The following NFIB variants were observed in gnomAD, a reference collection of about 807,000 sequenced individuals.
NFIB encodes nuclear factor I B.
A neutral mutation model predicts 61.5 loss-of-function variants in NFIB; 11 were observed. The observed-to-expected ratio is 0.18, with a 90% CI of 0.11 to 0.30. The LOEUF (loss-of-function observed/expected upper bound fraction) is 0.30. Among genes scored for constraint, NFIB ranks in the 10% least tolerant of loss-of-function variants. The pLI, the probability that NFIB is intolerant of heterozygous loss-of-function variation, is 1.00. For synonymous variants in NFIB, 260 were observed against 216.5 expected, an observed-to-expected ratio of 1.20 and a Z score of -1.76; for missense variants, 471 against 608.9, an observed-to-expected ratio of 0.77 and a Z score of 2.38.
At chr9:14,519,162 C>A in the NFIB span, among the ~76,000 whole-genome samples, 36,185 of 152,050 alleles carry the variant, frequency 0.24, 4,654 homozygotes, top group East Asian at 0.4. Context: ...CTGGGCTCTC[C>A]AAGCACTAAC....
chr9:14,229,812 C>T (rs2052897178), intron 2 of NFIB, among the ~76,000 whole-genome samples: 1 of 152,162 alleles, frequency 6.6e-6, no homozygotes, highest in Non-Finnish European at 1.5e-5. Context: ...TTATTCCCAT[C>T]CTGCAGCCAC....
At chr9:14,412,550 C>T in the NFIB span, among the ~76,000 whole-genome samples, 2 of 152,222 alleles carry the variant, frequency 1.3e-5, no homozygotes, top group South Asian at 2.1e-4. Flanking sequence ...CTACAACCCT[C>T]GCAAATTCCC....
At chr9:14,228,248 G>A (rs2052688454) in intron 2 of NFIB, among the ~76,000 whole-genome samples, 2 of 147,576 alleles carry the variant, frequency 1.4e-5, no homozygotes, top group Non-Finnish European at 1.5e-5. Context: ...AGGCAGGAGT[G>A]CAGTGGCGCA....
upstream of NFIB, chr9:14,314,162 G>A: frequency 1.0e-6 from 1 of 990,794 alleles, no homozygotes; most frequent in Non-Finnish European, 1.2e-6. Context: ...CGGGGCGCGC[G>A]CGGGAGAGGG....
At chr9:14,278,013 T>C (rs748949600) in intron 2 of NFIB, among the ~76,000 whole-genome samples, 20 of 152,216 alleles carry the variant, frequency 1.3e-4, no homozygotes, top group Non-Finnish European at 2.9e-4. Context: ...CCTGCCACCC[T>C]GCCTCATGCT....
chr9:14,433,502 A>G, the NFIB span, among the ~76,000 whole-genome samples: 2 of 152,290 alleles, frequency 1.3e-5, no homozygotes, highest in South Asian at 4.1e-4. Context: ...TCTCTCTGTC[A>G]TCCTGAAAAA....
chr9:14,287,960 G>T (rs1015905846), intron 2 of NFIB, among the ~76,000 whole-genome samples: 13 of 152,180 alleles, frequency 8.5e-5, no homozygotes, highest in African/African-American at 3.1e-4. Context: ...TTCTTCTGCT[G>T]AGTTCAACAG....
chr9:14,445,118 A>T, the NFIB span, among the ~76,000 whole-genome samples: 1 of 152,126 alleles, frequency 6.6e-6, no homozygotes, highest in Non-Finnish European at 1.5e-5. Flanking sequence ...TTCTGGCCCC[A>T]ACTATTTGTT....
At chr9:14,132,407 C>T (rs1228095980) in intron 6 of NFIB, among the ~76,000 whole-genome samples, 2 of 152,014 alleles carry the variant, frequency 1.3e-5, no homozygotes, top group African/African-American at 2.4e-5. Flanking sequence ...CAGTATTTAA[C>T]GTTAAGGTTT....
At chr9:14,433,268 T>C in the NFIB span, among the ~76,000 whole-genome samples, 3 of 152,330 alleles carry the variant, frequency 2.0e-5, no homozygotes, top group Admixed American at 1.3e-4. Flanking sequence ...GAAAATGTCA[T>C]TAAAAATTTT....
At chr9:14,157,798 T>C (rs1363806466) in intron 3 of NFIB, among the ~76,000 whole-genome samples, 1 of 152,132 alleles carries the variant, frequency 6.6e-6, no homozygotes, top group Non-Finnish European at 1.5e-5. Context: ...TTGTTTATAG[T>C]TCATTATACT....
chr9:14,295,438 A>G (rs926290751), intron 2 of NFIB, among the ~76,000 whole-genome samples: 1 of 152,012 alleles, frequency 6.6e-6, no homozygotes, highest in Non-Finnish European at 1.5e-5. Flanking sequence ...CATCCTGGCT[A>G]ACACTGTGAA....
chr9:14,191,540 A>G (rs578261379), intron 2 of NFIB, among the ~76,000 whole-genome samples: 3 of 152,244 alleles, frequency 2.0e-5, no homozygotes, highest in African/African-American at 7.2e-5. Flanking sequence ...GGTGCTCAAA[A>G]TTCCTCCCAT....
At chr9:14,275,366 T>C (rs2057925715) in intron 2 of NFIB, among the ~76,000 whole-genome samples, 1 of 152,168 alleles carries the variant, frequency 6.6e-6, no homozygotes, top group Non-Finnish European at 1.5e-5. Flanking sequence ...TGAATTCATA[T>C]CAGTTCTGGG....
At chr9:14,323,347 T>G (rs7040685) in intron 1 of NFIB, among the ~76,000 whole-genome samples, 121,246 of 152,180 alleles carry the variant, frequency 0.8, 51,701 homozygotes, top group Non-Finnish European at 0.94. Context: ...GATCAGCATT[T>G]TGGAAACAAA....
In NFIB at chr9:14,085,717, C is replaced by T. The variant is rs911784088; in HGVS notation, c.*2592G>A. ...GATATTAAAAAAAAATCCAAGTGCA[C>T]TGCCATCCATTTGAAGTAGTAAGTC... On this transcript the variant is annotated 3_prime_UTR_variant, in exon 11 of 11. Coordinates refer to ENST00000380953, the MANE Select transcript of NFIB (RefSeq NM_001190737.2). 1 of 219,562 alleles carries T rather than the reference C, an allele frequency of 4.6e-6. No individual in the cohort carries two copies. The highest frequency in any genetic ancestry group is 5.8e-5 in the Admixed American group (1 of 17,226). The allele number at this position is 219,562 out of a possible 1,614,324, so 13.6% of individuals were successfully genotyped here. A position where few individuals can be genotyped will look rare whatever the true frequency, so the allele number is the denominator to read the frequency against.
At chr9:14,129,963 A>G (rs981207738) in intron 6 of NFIB, among the ~76,000 whole-genome samples, 10 of 152,226 alleles carry the variant, frequency 6.6e-5, no homozygotes, top group African/African-American at 1.4e-4. Context: ...AGAAACAAGT[A>G]GAGGCCAGTG....
intron 6 of NFIB, among the ~76,000 whole-genome samples, chr9:14,136,969 C>T (rs1041647190): frequency 6.6e-6 from 1 of 152,006 alleles, no homozygotes; most frequent in South Asian, 2.1e-4. Flanking sequence ...AAAAAAAGAA[C>T]ATTCTGTCAA....
chr9:14,205,411 C>T (rs930843354), intron 2 of NFIB, among the ~76,000 whole-genome samples: 2 of 151,272 alleles, frequency 1.3e-5, no homozygotes, highest in East Asian at 2.0e-4. Context: ...ATTAAAAATA[C>T]TTCATAAGTA....
Sources: gnomAD v4.1 joint callset for allele counts (sites outside exome capture counted in the v4.1 genomes callset) on GRCh38, gnomAD v4.1.1 for gene constraint, MANE v1.5 for transcripts, NCBI Gene and HGNC (gene_info 2026-07-23, HGNC 2026-07-21) for gene names.